The following STARD13 variants were observed in gnomAD, a reference collection of about 807,000 sequenced individuals.
STARD13 encodes the protein stAR-related lipid transfer protein 13.
In STARD13, 62 loss-of-function variants were observed where a neutral mutation model predicts 106.4. The ratio of observed to expected loss-of-function variants is 0.58; its 90% CI spans 0.48 to 0.72. STARD13 has a LOEUF of 0.72. Ranked by LOEUF, STARD13 falls within the 30% of genes least tolerant of loss-of-function variation. STARD13 has a pLI of 0.00. For synonymous variants in STARD13, 565 were observed against 553.0 expected, an observed-to-expected ratio of 1.02 and a Z score of -0.31; for missense variants, 1,387 against 1,424.0, an observed-to-expected ratio of 0.97 and a Z score of 0.42.
the STARD13 span, among the ~76,000 whole-genome samples, chr13:33,387,529 T>G: frequency 6.6e-6 from 1 of 152,114 alleles, no homozygotes; most frequent in Non-Finnish European, 1.5e-5. Context: ...CAGTCTGTGT[T>G]TAAGTGGTTG....
the STARD13 span, among the ~76,000 whole-genome samples, chr13:33,610,532 G>A: frequency 6.6e-6 from 1 of 152,370 alleles, no homozygotes; most frequent in East Asian, 1.9e-4. Context: ...CCTGCGCTGA[G>A]CCTCCACGTG....
At chr13:33,318,859 C>T (rs2138522123) in intron 1 of STARD13, among the ~76,000 whole-genome samples, 1 of 152,188 alleles carries the variant, frequency 6.6e-6, no homozygotes, top group South Asian at 2.1e-4. Flanking sequence ...GATGAGATAC[C>T]ATTTCACAAT....
the STARD13 span, among the ~76,000 whole-genome samples, chr13:33,499,592 TTCTTCTTCTTCTTTCTTCTTC>T: frequency 7.1e-5 from 4 of 56,288 alleles, no homozygotes; most frequent in Non-Finnish European, 1.5e-4. Context: ...CTTCTTCTTC[TTCTTCTTCTTCTTTCTTCTTC>T]TTCTTCTTCT....
the STARD13 span, among the ~76,000 whole-genome samples, chr13:33,549,047 T>TAACAATTTATAGAAC: frequency 3.1e-4 from 47 of 152,192 alleles, no homozygotes; most frequent in African/African-American, 1.0e-3. Context: ...ACTCATGTGT[T>TAACAATTTATAGAAC]AACAATTTAT....
chr13:33,314,681 A>G (rs4147235), intron 1 of STARD13, among the ~76,000 whole-genome samples: 152,289 of 152,334 alleles, frequency 1, 76,122 homozygotes, highest in Non-Finnish European at 1. Flanking sequence ...TGAGATCAGT[A>G]TTATTATCCC....
chr13:33,401,991 C>T, the STARD13 span, among the ~76,000 whole-genome samples: 460 of 152,292 alleles, frequency 3.0e-3, 2 homozygotes, highest in African/African-American at 0.011. Flanking sequence ...TACATGTCTT[C>T]TACAAATTGT....
chr13:33,606,052 C>A, the STARD13 span, among the ~76,000 whole-genome samples: 1 of 152,136 alleles, frequency 6.6e-6, no homozygotes, highest in African/African-American at 2.4e-5. Flanking sequence ...GTAATCCCAG[C>A]ACTTTGGGAA....
upstream of STARD13, chr13:33,355,249 C>T (rs1237676559): frequency 6.6e-6 from 1 of 152,218 alleles, no homozygotes; most frequent in African/African-American, 2.4e-5. Context: ...ACCTACACAT[C>T]TGAATGCCAA....
At chr13:33,372,390 A>G in the STARD13 span, among the ~76,000 whole-genome samples, 1 of 152,086 alleles carries the variant, frequency 6.6e-6, no homozygotes, top group South Asian at 2.1e-4. Context: ...GTTACTCAGT[A>G]GTAATGTTTT....
chr13:33,164,390 T>G (rs1483826538), intron 3 of STARD13: 1 of 152,208 alleles, frequency 6.6e-6, no homozygotes, highest in Non-Finnish European at 1.5e-5. Flanking sequence ...CCCTTTAAAC[T>G]ACTACCTTAT....
At chr13:33,390,333 T>C in the STARD13 span, among the ~76,000 whole-genome samples, 1 of 152,148 alleles carries the variant, frequency 6.6e-6, no homozygotes, top group Non-Finnish European at 1.5e-5. Context: ...CATGGGTCAA[T>C]TGCCTTAGGA....
At chr13:33,574,143 C>T in the STARD13 span, among the ~76,000 whole-genome samples, 3 of 152,068 alleles carry the variant, frequency 2.0e-5, no homozygotes, top group Non-Finnish European at 2.9e-5. Context: ...TGAGGAGCTG[C>T]GGATGTGTCT....
the STARD13 span, among the ~76,000 whole-genome samples, chr13:33,436,611 G>A: frequency 6.6e-6 from 1 of 152,044 alleles, no homozygotes; most frequent in South Asian, 2.1e-4. Context: ...AGCATAATAG[G>A]CATAAACTGG....
chr13:33,443,400 G>A, the STARD13 span, among the ~76,000 whole-genome samples: 1 of 149,848 alleles, frequency 6.7e-6, no homozygotes. Flanking sequence ...AAATTGGTTA[G>A]GATGATAAAT....
At chr13:33,309,060 T>G (rs1893033740) in intron 1 of STARD13, among the ~76,000 whole-genome samples, 1 of 152,212 alleles carries the variant, frequency 6.6e-6, no homozygotes, top group Non-Finnish European at 1.5e-5. Flanking sequence ...CAACTTTCTG[T>G]GGACTTAATA....
the STARD13 span, among the ~76,000 whole-genome samples, chr13:33,499,622 CTTCTTCTTCTTCTTCTTCTTCTTCTCCTT>C: frequency 2.5e-4 from 29 of 116,272 alleles, 1 homozygote; most frequent in African/African-American, 1.2e-3. Context: ...TCTTCTTCTT[CTTCTTCTTCTTCTTCTTCTTCTTCTCCTT>C]CTTCTTCTTC....
chr13:33,374,783 G>C, the STARD13 span, among the ~76,000 whole-genome samples: 4 of 152,150 alleles, frequency 2.6e-5, no homozygotes, highest in African/African-American at 9.7e-5. Flanking sequence ...TTAGAGCTGT[G>C]ATTTCTCCTT....
chr13:33,347,263 TCTCG>T (rs1051877249), downstream of STARD13, among the ~76,000 whole-genome samples: 7 of 152,136 alleles, frequency 4.6e-5, no homozygotes, highest in Admixed American at 4.6e-4. Context: ...TGAGACAGAG[TCTCG>T]CTCTATTACC....
the STARD13 span, among the ~76,000 whole-genome samples, chr13:33,586,380 C>A: frequency 6.6e-6 from 1 of 152,190 alleles, no homozygotes; most frequent in African/African-American, 2.4e-5. Context: ...TTCTGGCCTT[C>A]TCACAAAGCT....
Sources: allele counts gnomAD v4.1 joint callset (sites outside exome capture counted in the v4.1 genomes callset), GRCh38; gene constraint gnomAD v4.1.1; transcripts MANE v1.5; gene names NCBI Gene and HGNC (gene_info 2026-07-23, HGNC 2026-07-21).